The following NOXRED1 variants were observed in gnomAD, a reference collection of about 807,000 sequenced individuals.
NOXRED1 encodes NADP-dependent oxidoreductase domain-containing protein 1.
In NOXRED1, 20 loss-of-function variants were observed where a neutral mutation model predicts 30.4. The ratio of observed to expected loss-of-function variants is 0.66; its 90% CI spans 0.46 to 0.96. NOXRED1 has a LOEUF of 0.96. NOXRED1 is among the 40% of genes least tolerant of loss of function. The probability of loss-of-function intolerance (pLI) is 0.00; values close to 1 mark genes in which losing one functional copy is unlikely to be tolerated. For missense variants in NOXRED1, 374 were observed against 428.0 expected, an observed-to-expected ratio of 0.87 and a Z score of 1.11; for synonymous variants, 155 against 168.0, an observed-to-expected ratio of 0.92 and a Z score of 0.60.
At chr14:77,408,892 ATTT>A (rs1177680524) in intron 2 of NOXRED1, among the ~76,000 whole-genome samples, 18 of 68,180 alleles carry the variant, frequency 2.6e-4, no homozygotes, top group African/African-American at 6.1e-4. Context: ...CTGGTAGTTA[ATTT>A]TTTTTTTTTT....
Position 77,412,043 on chromosome 14 carries a change from C to T in NOXRED1, c.349+1891G>A, listed in dbSNP as rs894840656. 3.5e-5 allele frequency among the ~76,000 whole-genome samples: 5 copies of T among 144,266 alleles called. No individual in the cohort carries two copies. The East Asian group carries it at 6.1e-4, about 17-fold the overall frequency. The allele number at this position is 144,266 out of a possible 152,430, so 94.6% of individuals were successfully genotyped here. ...CCGGGAGGCAGAGGTTGCAGTGAGC[C>T]GAGATCGTGCTCTCCACGATCTGCA... On this transcript the variant is annotated intron_variant, in intron 2 of 5. Transcript: ENST00000380835.
chr14:77,420,883 A>G (rs1358337886), intron 1 of NOXRED1, among the ~76,000 whole-genome samples: 2 of 152,144 alleles, frequency 1.3e-5, no homozygotes, highest in East Asian at 1.9e-4. Context: ...GAATTTCCCA[A>G]TTAAAGAGTT....
At position 77,417,967 on chromosome 14, in the gene NOXRED1, A is replaced by C. The variant is rs1894876197; in HGVS notation, c.156-3840T>G. Among the ~76,000 whole-genome samples the C allele has an allele frequency of 2.0e-5, 3 of 152,052 alleles. No individual in the cohort carries two copies. The South Asian group carries it at 6.2e-4, about 31-fold the overall frequency. On this transcript the variant is annotated intron_variant, in intron 1 of 5. Coordinates refer to ENST00000380835, the MANE Select transcript of NOXRED1 (RefSeq NM_001113475.3). ...TGTAGTTACCGTAGGAAATTGCATAAAAATCATAAAAATAGTTGTAACAAC... is the reference window on the plus strand; with the variant it reads ...TGTAGTTACCGTAGGAAATTGCATACAAATCATAAAAATAGTTGTAACAAC...
intron 5 of NOXRED1, among the ~76,000 whole-genome samples, chr14:77,403,517 G>C (rs1016485926): frequency 6.6e-6 from 1 of 151,884 alleles, no homozygotes; most frequent in African/African-American, 2.4e-5. Flanking sequence ...TTAGCCAGGC[G>C]TGGTGGTGTG....
At position 77,404,773 on chromosome 14, in the gene NOXRED1, C is replaced by T. The variant is rs147903835; in HGVS notation, c.905+1140G>A. 1.4e-3 allele frequency among the ~76,000 whole-genome samples: 219 copies of T among 152,082 alleles called. 2 individuals are homozygous for T. The highest frequency in any genetic ancestry group is 5.0e-3 in the African/African-American group (208 of 41,500). On this transcript the variant is annotated intron_variant, in intron 5 of 5. Coordinates refer to ENST00000380835, the MANE Select transcript of NOXRED1 (RefSeq NM_001113475.3). ...GGATCATGACAGCCTAGAGAAGAGA[C>T]TGCTTCAAGAAGGATGGCATGTTCA...
rs1412996392 is a variant in NOXRED1, at chr14:77,394,822, ATT to A, written c.906-19_906-18del. The stretch of plus-strand genomic sequence containing the variant: ...GGGAAAGGCCTGAGGTGAAAAAAAT[ATT>A]GTTACTTTTTTATGTCTGTTCAGTA... On this transcript the variant is annotated intron_variant, in intron 5 of 5. Coordinates refer to ENST00000380835, the MANE Select transcript of NOXRED1 (RefSeq NM_001113475.3). 3.1e-6 allele frequency: 5 copies of A among 1,598,284 alleles called. No individual in the cohort carries two copies. Among genetic ancestry groups the A allele is most frequent in the Middle Eastern group, 1.7e-4 (1 of 6,004 alleles).
upstream of NOXRED1, among the ~76,000 whole-genome samples, chr14:77,425,925 C>T (rs1281836944): frequency 6.6e-6 from 1 of 152,358 alleles, no homozygotes; most frequent in Non-Finnish European, 1.5e-5. Flanking sequence ...CACAGGAGCA[C>T]AGAACTCTAC....
At chr14:77,406,464 T>C in intron 4 of NOXRED1, 1 of 597,348 alleles carries the variant, frequency 1.7e-6, no homozygotes, top group Non-Finnish European at 3.0e-6. Flanking sequence ...GCCATTTTAG[T>C]CCAACATTAC....
intron 1 of NOXRED1, among the ~76,000 whole-genome samples, chr14:77,421,241 G>C (rs532863731): frequency 5.3e-5 from 8 of 152,200 alleles, no homozygotes; most frequent in African/African-American, 1.9e-4. Flanking sequence ...AGCTGTTCTT[G>C]GATTTGTACC....
rs1305426733 is a variant in NOXRED1, at chr14:77,406,475, A to T, written c.682+249T>A. The T allele has an allele frequency of 6.6e-6, 4 of 601,720 alleles. No individual in the cohort carries two copies. The Admixed American group carries it at 8.7e-5, about 13-fold the overall frequency. 37.3% of individuals were successfully genotyped at this position (601,720 alleles called of 1,614,324 possible). On this transcript the variant is annotated intron_variant, in intron 4 of 5. Transcript: ENST00000380835. ...AAAAGCCATTTTAGTCCAACATTAC[A>T]TCCTCCTATTGAAATAAGCTATCTC...
At chr14:77,421,305 T>C (rs1449696402) in intron 1 of NOXRED1, among the ~76,000 whole-genome samples, 1 of 152,232 alleles carries the variant, frequency 6.6e-6, no homozygotes, top group Non-Finnish European at 1.5e-5. Context: ...ATAAAGGCTT[T>C]TTGGACCATA....
chr14:77,411,053 G>A (rs1382944289), intron 2 of NOXRED1, among the ~76,000 whole-genome samples: 2 of 152,188 alleles, frequency 1.3e-5, no homozygotes, highest in Non-Finnish European at 2.9e-5. Flanking sequence ...ATTCATGGCA[G>A]CTTTATTTGT....
chr14:77,398,346 A>G (rs1346742024), intron 5 of NOXRED1, among the ~76,000 whole-genome samples: 1 of 152,232 alleles, frequency 6.6e-6, no homozygotes, highest in Non-Finnish European at 1.5e-5. Context: ...ACCATTTTGA[A>G]ATATGGCAGA....
intron 1 of NOXRED1, among the ~76,000 whole-genome samples, chr14:77,419,095 G>T: frequency 6.9e-6 from 1 of 144,216 alleles, no homozygotes. Context: ...TCTTGAGATA[G>T]AGTTTTGCTA....
chr14:77,406,590 TACACAC>T (rs56942412), intron 4 of NOXRED1, 128 bp downstream of exon 4: 15,700 of 768,366 alleles, frequency 0.02, 196 homozygotes, highest in African/African-American at 0.091. Context: ...CCTTGTGCCT[TACACAC>T]ACACACACAC....
intron 1 of NOXRED1, among the ~76,000 whole-genome samples, chr14:77,420,094 T>C (rs1445377160): frequency 6.6e-6 from 1 of 152,166 alleles, no homozygotes; most frequent in African/African-American, 2.4e-5. Flanking sequence ...CCTTCTGACA[T>C]TCCCATAAGG....
chr14:77,401,532 C>CA (rs1285642805), intron 5 of NOXRED1, among the ~76,000 whole-genome samples: 6 of 152,134 alleles, frequency 3.9e-5, no homozygotes, highest in East Asian at 1.9e-4. Context: ...CCCATCTCTA[C>CA]AAAAAAATAT....
Position 77,407,571 on chromosome 14 carries a change from G to GTAT in NOXRED1, c.423_424insATA (p.Phe141_Leu142insIle), listed in dbSNP as rs771467919. The GTAT allele has an allele frequency of 1.9e-6, 3 of 1,613,756 alleles. No individual in the cohort carries two copies. In the Admixed American group the frequency reaches 5.0e-5, roughly 27 times the overall value. On this transcript the variant is annotated inframe_insertion, in exon 3 of 6. Transcript: ENST00000380835. ...GGCAGCTGAGACGGCAAGCAGCAGA[G>GTAT]GAATATCACATCGGCCCAACTCACC...
At position 77,394,024 on chromosome 14, in the gene NOXRED1, G is replaced by T. The variant is rs2139656795; in HGVS notation, c.*607C>A. 6.6e-6 allele frequency: 1 copy of T among 152,274 alleles called. No individual in the cohort carries two copies. The highest frequency in any genetic ancestry group is 2.1e-4 in the South Asian group (1 of 4,824). The allele number at this position is 152,274 out of a possible 1,614,324, so 9.4% of individuals were successfully genotyped here. The stretch of plus-strand genomic sequence containing the variant: ...AAACATAAAGGAAATCAACAAATTT[G>T]CAGTATAGATCTATATTTTGCAAAA... On this transcript the variant is annotated 3_prime_UTR_variant, in exon 6 of 6. Transcript: ENST00000380835.
Sources: gnomAD v4.1 joint callset for allele counts (sites outside exome capture counted in the v4.1 genomes callset) on GRCh38, gnomAD v4.1.1 for gene constraint, MANE v1.5 for transcripts, NCBI Gene and HGNC (gene_info 2026-07-23, HGNC 2026-07-21) for gene names.